The following CDYL2 variants were observed in gnomAD, a reference collection of about 807,000 sequenced individuals.
The protein encoded by CDYL2 is chromodomain Y like 2.
Under a neutral mutation model 49.4 loss-of-function variants are expected in CDYL2, and 23 were observed. The ratio of observed to expected loss-of-function variants is 0.47; its 90% CI spans 0.34 to 0.66. The LOEUF is 0.66. CDYL2 is among the 30% of genes least tolerant of loss of function. The probability of loss-of-function intolerance (pLI) is 0.01; values close to 1 mark genes in which losing one functional copy is unlikely to be tolerated. For missense variants in CDYL2, 678 were observed against 656.4 expected, an observed-to-expected ratio of 1.03 and a Z score of -0.36; for synonymous variants, 360 against 268.8, an observed-to-expected ratio of 1.34 and a Z score of -3.32.
rs1906436437 is a variant in CDYL2, at chr16:80,608,245, CA to C, written c.1219-11del. 6.4e-7 allele frequency: 1 copy of C among 1,553,866 alleles called. No individual in the cohort carries two copies. Among genetic ancestry groups the C allele is most frequent in the Non-Finnish European group, 8.7e-7 (1 of 1,147,734 alleles). Reference sequence around the variant, plus strand: ...ACAGCATCTCATTGGCCTGAAAAAGCAAAAGCAGGCAAAGACTGAGGGCCTG... The same window carrying C: ...ACAGCATCTCATTGGCCTGAAAAAGCAAAGCAGGCAAAGACTGAGGGCCTG... On this transcript the variant is annotated splice_polypyrimidine_tract_variant and intron_variant, in intron 5 of 6. Coordinates refer to ENST00000570137, the MANE Select transcript of CDYL2 (RefSeq NM_152342.4).
intron 1 of CDYL2, among the ~76,000 whole-genome samples, chr16:80,779,788 C>T (rs1907203643): frequency 6.6e-6 from 1 of 151,910 alleles, no homozygotes; most frequent in African/African-American, 2.4e-5. Flanking sequence ...TTGAAGACTC[C>T]CATGTAAGTG....
At chr16:80,746,133 C>A (rs992926821) in intron 1 of CDYL2, among the ~76,000 whole-genome samples, 1 of 152,190 alleles carries the variant, frequency 6.6e-6, no homozygotes, top group African/African-American at 2.4e-5. Flanking sequence ...TGGGCTCCAA[C>A]AGGTACCTGC....
chr16:80,743,923 T>C (rs1597111262), intron 1 of CDYL2, among the ~76,000 whole-genome samples: 1 of 152,056 alleles, frequency 6.6e-6, no homozygotes, highest in South Asian at 2.1e-4. Context: ...GTGGTTGCGG[T>C]GGTGGTGGGA....
At chr16:80,663,285 G>C (rs797005775) in intron 2 of CDYL2, among the ~76,000 whole-genome samples, 9 of 151,612 alleles carry the variant, frequency 5.9e-5, no homozygotes, top group African/African-American at 2.2e-4. Flanking sequence ...CAGGAGGTGA[G>C]GTGGAGGGGA....
At chr16:80,620,645 C>G (rs1376098820) in intron 4 of CDYL2, 118 bp downstream of exon 4, 2 of 974,846 alleles carry the variant, frequency 2.1e-6, no homozygotes, top group East Asian at 2.8e-5. Context: ...ACAGGATATA[C>G]TTATGCTAAA....
intron 1 of CDYL2, among the ~76,000 whole-genome samples, chr16:80,773,936 TACAA>T (rs913553673): frequency 6.6e-6 from 1 of 152,100 alleles, no homozygotes; most frequent in Admixed American, 6.6e-5. Flanking sequence ...AGTTTAGTTC[TACAA>T]ACAGATAGGT....
chr16:80,751,857 G>A (rs1417705557), intron 1 of CDYL2, among the ~76,000 whole-genome samples: 1 of 152,152 alleles, frequency 6.6e-6, no homozygotes, highest in African/African-American at 2.4e-5. Context: ...TGATTGAACT[G>A]AAAGTGATCT....
intron 1 of CDYL2, among the ~76,000 whole-genome samples, chr16:80,715,363 C>T (rs11641447): frequency 0.13 from 19,888 of 152,156 alleles, 1,625 homozygotes; most frequent in South Asian, 0.21. Flanking sequence ...TAACCACCAA[C>T]AATACCCCAA....
intron 1 of CDYL2, among the ~76,000 whole-genome samples, chr16:80,690,076 G>A (rs550506240): frequency 3.3e-5 from 5 of 151,146 alleles, no homozygotes; most frequent in Non-Finnish European, 7.4e-5. Context: ...AGGCGAGATC[G>A]CACCACTGCA....
intron 2 of CDYL2, chr16:80,639,621 C>T: frequency 2.2e-6 from 1 of 451,570 alleles, no homozygotes; most frequent in South Asian, 1.6e-5. Flanking sequence ...ACTGTCTACA[C>T]ACAAAAAAAA....
At chr16:80,756,778 T>C (rs531384539) in intron 1 of CDYL2, among the ~76,000 whole-genome samples, 1 of 151,964 alleles carries the variant, frequency 6.6e-6, no homozygotes, top group African/African-American at 2.4e-5. Flanking sequence ...TCCACTAGTA[T>C]AACAGCAGAA....
intron 1 of CDYL2, among the ~76,000 whole-genome samples, chr16:80,768,548 T>C (rs1906803389): frequency 6.6e-6 from 1 of 152,246 alleles, no homozygotes; most frequent in Admixed American, 6.5e-5. Context: ...CTTCTAGCTA[T>C]GTCCTTGCAT....
intron 1 of CDYL2, among the ~76,000 whole-genome samples, chr16:80,694,686 A>G (rs756113813): frequency 2.0e-5 from 3 of 152,206 alleles, no homozygotes; most frequent in Non-Finnish European, 4.4e-5. Context: ...GAAGACCAAG[A>G]AGCAGTCACA....
At chr16:80,746,447 C>G (rs1051683575) in intron 1 of CDYL2, among the ~76,000 whole-genome samples, 13 of 152,308 alleles carry the variant, frequency 8.5e-5, no homozygotes, top group African/African-American at 3.1e-4. Context: ...TTCTTACAGC[C>G]AGATTTCTAA....
chr16:80,780,272 T>C (rs1209184002), intron 1 of CDYL2, among the ~76,000 whole-genome samples: 1 of 152,098 alleles, frequency 6.6e-6, no homozygotes, highest in East Asian at 1.9e-4. Flanking sequence ...TATACAATAA[T>C]GTGAAGTGAT....
chr16:80,674,059 T>C (rs976812913), intron 2 of CDYL2, among the ~76,000 whole-genome samples: 1 of 152,152 alleles, frequency 6.6e-6, no homozygotes, highest in African/African-American at 2.4e-5. Flanking sequence ...ACTCCAGAAC[T>C]ATAAGGGAAG....
intron 2 of CDYL2, among the ~76,000 whole-genome samples, chr16:80,673,004 T>G (rs984691240): frequency 6.6e-6 from 1 of 152,230 alleles, no homozygotes. Context: ...TAGGAGGAGC[T>G]GCTTGCTCCC....
chr16:80,689,294 G>C (rs1910320037), intron 1 of CDYL2, among the ~76,000 whole-genome samples: 2 of 152,192 alleles, frequency 1.3e-5, no homozygotes, highest in South Asian at 4.1e-4. Context: ...CCAGTGCCAG[G>C]ATGCCACCTG....
rs151149644 is a variant in CDYL2 at position 80,608,616 on chromosome 16, G to A, written c.1219-381C>T. Among the ~76,000 whole-genome samples, 164 of 152,270 alleles carry A rather than the reference G, an allele frequency of 1.1e-3. 1 individual carries two copies. Among genetic ancestry groups the A allele is most frequent in the African/African-American group, 3.8e-3 (157 of 41,560 alleles). ...CACACAGCCCACAACAGCCCAGGGA[G>A]AAAGAGATGCTCCCTTCTAGATAAT... On this transcript the variant is annotated intron_variant, in intron 5 of 6. Coordinates refer to ENST00000570137, the MANE Select transcript of CDYL2 (RefSeq NM_152342.4).
Sources: gnomAD v4.1 joint callset for allele counts (sites outside exome capture counted in the v4.1 genomes callset) on GRCh38, gnomAD v4.1.1 for gene constraint, MANE v1.5 for transcripts, NCBI Gene and HGNC (gene_info 2026-07-23, HGNC 2026-07-21) for gene names.